Variants in ZNF827 observed in about 807,000 individuals in gnomAD.
ZNF827 encodes zinc finger protein 827.
ZNF827 carries 13 observed loss-of-function variants against 102.4 expected under a neutral mutation model. The observed-to-expected ratio is 0.13, with a 90% CI of 0.08 to 0.20. The LOEUF (loss-of-function observed/expected upper bound fraction) is 0.20, where lower values mean the gene tolerates loss of function less well. ZNF827 is among the 10% of genes least tolerant of loss of function. The pLI, the probability that ZNF827 is intolerant of heterozygous loss-of-function variation, is 1.00. For missense variants in ZNF827, 1,103 were observed against 1,344.4 expected (o/e 0.82, Z 2.81); for synonymous variants, 523 against 536.2 (o/e 0.98, Z 0.34).
At chr4:145,880,130 G>A (rs994748890) in intron 4 of ZNF827, among the ~76,000 whole-genome samples, 3 of 152,282 alleles carry the variant, frequency 2.0e-5, no homozygotes, top group Non-Finnish European at 4.4e-5. Context: ...AGCTACTTGG[G>A]AGGCTGAGGC....
intron 9 of ZNF827, among the ~76,000 whole-genome samples, chr4:145,777,735 A>G (rs553948860): frequency 6.6e-6 from 1 of 152,186 alleles, no homozygotes; most frequent in South Asian, 2.1e-4. Flanking sequence ...TGTTTTATCA[A>G]TTCCTTAAGA....
chr4:145,904,551 T>C (rs1233787089), intron 1 of ZNF827, among the ~76,000 whole-genome samples: 2 of 151,502 alleles, frequency 1.3e-5, no homozygotes, highest in Non-Finnish European at 2.9e-5. Flanking sequence ...AGAGGGAGAG[T>C]CACTGTGAAG....
intron 7 of ZNF827, among the ~76,000 whole-genome samples, chr4:145,845,138 T>C (rs1282739246): frequency 6.6e-6 from 1 of 152,226 alleles, no homozygotes; most frequent in East Asian, 1.9e-4. Flanking sequence ...GGAGGGAGGT[T>C]TGAAAGTGGA....
chr4:145,814,802 G>A (rs897458446), intron 8 of ZNF827, among the ~76,000 whole-genome samples: 11 of 151,276 alleles, frequency 7.3e-5, no homozygotes, highest in South Asian at 2.1e-4. Flanking sequence ...TTTGCCGGGC[G>A]TTGTGGCATG....
intron 4 of ZNF827, among the ~76,000 whole-genome samples, chr4:145,876,332 G>C (rs918501464): frequency 2.0e-5 from 3 of 152,140 alleles, no homozygotes; most frequent in Admixed American, 6.5e-5. Context: ...CGCACTAGTA[G>C]CCAGGAGTAC....
intron 7 of ZNF827, among the ~76,000 whole-genome samples, chr4:145,837,976 AC>A (rs1220017316): frequency 1.3e-5 from 2 of 149,322 alleles, no homozygotes; most frequent in Admixed American, 6.7e-5. Context: ...TCTCCATACC[AC>A]CCCCCAAAAA....
chr4:145,882,773 G>A (rs1181379643), intron 4 of ZNF827, among the ~76,000 whole-genome samples: 2 of 152,180 alleles, frequency 1.3e-5, no homozygotes, highest in Non-Finnish European at 2.9e-5. Flanking sequence ...CACAGACTCA[G>A]TGCCCACAAA....
chr4:145,773,601 T>C lies in ZNF827; in HGVS notation c.2860+905A>G, dbSNP rs144242891. Among the ~76,000 whole-genome samples the C allele has an allele frequency of 5.6e-3, 856 of 152,302 alleles. 7 individuals are homozygous for C. The highest frequency in any genetic ancestry group is 0.02 in the African/African-American group (813 of 41,558). On this transcript the variant is annotated intron_variant, in intron 11 of 14. Coordinates refer to ENST00000508784, the MANE Select transcript of ZNF827 (RefSeq NM_001306215.2). ...TTCTCACTTAATGACTCCTTGCTGGTATCATTTGTAACCATCACTTGTGAG... is the reference window on the plus strand; with the variant it reads ...TTCTCACTTAATGACTCCTTGCTGGCATCATTTGTAACCATCACTTGTGAG...
At chr4:145,801,418 A>T (rs569937203) in intron 8 of ZNF827, among the ~76,000 whole-genome samples, 12 of 152,256 alleles carry the variant, frequency 7.9e-5, no homozygotes, top group Non-Finnish European at 1.8e-4. Context: ...TATCCCCATC[A>T]GACAGCACTG....
intron 3 of ZNF827, among the ~76,000 whole-genome samples, chr4:145,886,567 T>C (rs994925527): frequency 6.6e-6 from 1 of 152,196 alleles, no homozygotes; most frequent in Non-Finnish European, 1.5e-5. Context: ...TACTTTGCAT[T>C]CATCCAATTT....
At position 145,892,029 on chromosome 4, in the gene ZNF827, C is replaced by G. The variant is rs541114724; in HGVS notation, c.1266+214G>C. 3.9e-5 allele frequency among the ~76,000 whole-genome samples: 6 copies of G among 152,336 alleles called. No homozygotes were observed. In the South Asian group the frequency reaches 1.2e-3, roughly 32 times the overall value. On this transcript the variant is annotated intron_variant, in intron 3 of 14. Coordinates refer to ENST00000508784, the MANE Select transcript of ZNF827 (RefSeq NM_001306215.2). ...TCCAGTAAATACATTATTTGGATAT[C>G]GAAGGTTCTCTCTCTCTGCCTTTAA...
At chr4:145,886,644 G>A (rs1750141007) in intron 3 of ZNF827, among the ~76,000 whole-genome samples, 1 of 151,946 alleles carries the variant, frequency 6.6e-6, no homozygotes, top group Non-Finnish European at 1.5e-5. Flanking sequence ...AATTAAGAAT[G>A]TAGAAAATAA....
chr4:145,872,424 G>A (rs1187338370), intron 4 of ZNF827, among the ~76,000 whole-genome samples: 1 of 152,182 alleles, frequency 6.6e-6, no homozygotes, highest in Admixed American at 6.5e-5. Context: ...AGAGGCCTCA[G>A]GAGAAACCAA....
chr4:145,764,627 G>A (rs923438775), intron 13 of ZNF827: 7 of 223,348 alleles, frequency 3.1e-5, no homozygotes, highest in South Asian at 7.2e-5. Flanking sequence ...GGTGAATCTC[G>A]GTCACAGTAT....
At chr4:145,773,230 G>A (rs1360097312) in intron 11 of ZNF827, among the ~76,000 whole-genome samples, 1 of 152,220 alleles carries the variant, frequency 6.6e-6, no homozygotes, top group African/African-American at 2.4e-5. Flanking sequence ...CAGCTCACCT[G>A]CTGCCCACAG....
At position 145,762,469 on chromosome 4, in the gene ZNF827, A is replaced by C. The variant is rs1734685631; in HGVS notation, c.*17+621T>G. On this transcript the variant is annotated intron_variant, in intron 14 of 14. Transcript: ENST00000508784. The surrounding 1 kb of genome is among the most constrained non-coding windows in gnomAD (Gnocchi z 4.9). ...GGACCATATCTTACATTTCCTCTGC[A>C]TTCTCTGCAGTGCTTGGTAGAGTAC... Among the ~76,000 whole-genome samples, 1 of 152,212 alleles carries C rather than the reference A, an allele frequency of 6.6e-6. No homozygotes were observed. The highest frequency in any genetic ancestry group is 1.5e-5 in the Non-Finnish European group (1 of 68,026).
chr4:145,904,715 C>T (rs921113221), intron 1 of ZNF827, among the ~76,000 whole-genome samples: 4 of 151,610 alleles, frequency 2.6e-5, no homozygotes, highest in South Asian at 4.2e-4. Context: ...TGTGTATGCA[C>T]GTGTGTGTGT....
In ZNF827 at chr4:145,824,749, G is replaced by C. The variant is rs1743501139; in HGVS notation, c.2280-1224C>G. ...CACCACTCCCCTGGGCAAAACAGCA[G>C]ATCTGGAGCAGAACAACAGACCAAG... On this transcript the variant is annotated intron_variant, in intron 7 of 14. Coordinates refer to ENST00000508784, the MANE Select transcript of ZNF827 (RefSeq NM_001306215.2). 1.3e-5 allele frequency among the ~76,000 whole-genome samples: 2 copies of C among 152,174 alleles called. 1 individual carries two copies. Among genetic ancestry groups the C allele is most frequent in the South Asian group, 4.1e-4 (2 of 4,824 alleles).
intron 7 of ZNF827, among the ~76,000 whole-genome samples, chr4:145,828,775 G>A (rs1560970051): frequency 6.6e-6 from 1 of 152,168 alleles, no homozygotes; most frequent in Non-Finnish European, 1.5e-5. Flanking sequence ...TCCAGGCCAG[G>A]CATGGGATGT....
Sources: gnomAD v4.1 joint callset for allele counts (sites outside exome capture counted in the v4.1 genomes callset) on GRCh38, gnomAD v4.1.1 for gene constraint, Gnocchi (gnomAD v3.1) non-coding constraint, MANE v1.5 for transcripts, NCBI Gene and HGNC (gene_info 2026-07-23, HGNC 2026-07-21) for gene names.